The following RASAL2 variants were observed in gnomAD, a reference collection of about 807,000 sequenced individuals.
RASAL2 encodes ras GTPase-activating protein nGAP.
In RASAL2, 58 loss-of-function variants were observed where a neutral mutation model predicts 128.9. That is an observed-to-expected ratio of 0.45 (90% confidence interval 0.36 to 0.56). The LOEUF (loss-of-function observed/expected upper bound fraction) is 0.56, where lower values mean the gene tolerates loss of function less well. RASAL2 is among the 20% of genes least tolerant of loss of function. The pLI, the probability that RASAL2 is intolerant of heterozygous loss-of-function variation, is 0.00. For synonymous variants in RASAL2, 561 were observed against 580.8 expected, an observed-to-expected ratio of 0.97 and a Z score of 0.49; for missense variants, 1,360 against 1,601.6, an observed-to-expected ratio of 0.85 and a Z score of 2.57.
chr1:178,292,330 A>G (rs1263730499), intron 2 of RASAL2, among the ~76,000 whole-genome samples: 2 of 152,224 alleles, frequency 1.3e-5, no homozygotes, highest in Non-Finnish European at 2.9e-5. Flanking sequence ...AGTGTGTGGC[A>G]TCTTTTAATG....
chr1:178,123,108 A>T (rs1236863661), intron 1 of RASAL2: 1 of 152,088 alleles, frequency 6.6e-6, no homozygotes, highest in East Asian at 1.9e-4. Context: ...GGATCCTTGG[A>T]CCCTTCCTTC....
intron 1 of RASAL2, among the ~76,000 whole-genome samples, chr1:178,103,247 A>G (rs982263662): frequency 6.6e-6 from 1 of 151,922 alleles, no homozygotes; most frequent in African/African-American, 2.4e-5. Context: ...GTAAAGAGGT[A>G]CCTCATTCTT....
In RASAL2 at chr1:178,413,413, T is replaced by C. The variant is rs75319244; in HGVS notation, c.565-7098T>C. On this transcript the variant is annotated intron_variant, in intron 4 of 17. Coordinates refer to ENST00000367649, the MANE Select transcript of RASAL2 (RefSeq NM_170692.4). Reference sequence around the variant, plus strand: ...GGTGAGGGGCACTGAGCAGCACTTATGAAGTTCACAGTCCAGAAACACAGA... The same window carrying C: ...GGTGAGGGGCACTGAGCAGCACTTACGAAGTTCACAGTCCAGAAACACAGA... Among the ~76,000 whole-genome samples, 162 of 152,194 alleles carry C rather than the reference T, an allele frequency of 1.1e-3. 1 individual carries two copies. Among genetic ancestry groups the C allele is most frequent in the African/African-American group, 3.5e-3 (147 of 41,436 alleles).
At chr1:178,220,157 G>A (rs1397329605) in intron 1 of RASAL2, among the ~76,000 whole-genome samples, 1 of 152,156 alleles carries the variant, frequency 6.6e-6, no homozygotes, top group Admixed American at 6.5e-5. Context: ...TGCCATGCCT[G>A]TATAGGCTGC....
At chr1:178,219,228 C>G (rs1663533587) in intron 1 of RASAL2, among the ~76,000 whole-genome samples, 1 of 152,220 alleles carries the variant, frequency 6.6e-6, no homozygotes. Context: ...GGGCCTTGCT[C>G]TGGATTAGGC....
Position 178,346,536 on chromosome 1 carries a change from C to T in RASAL2, c.458-43564C>T, listed in dbSNP as rs569200218. On this transcript the variant is annotated intron_variant, in intron 3 of 17. Coordinates refer to ENST00000367649, the MANE Select transcript of RASAL2 (RefSeq NM_170692.4). ...GTAGTTTCCTGAAACAATAAATACG[C>T]TATTATATGAGTAGCATCATTTACT... Among the ~76,000 whole-genome samples, 49 of 152,226 alleles carry T rather than the reference C, an allele frequency of 3.2e-4. No homozygotes were observed. The South Asian group carries it at 1.0e-2, about 31-fold the overall frequency.
At chr1:178,290,739 G>T (rs980516601) in intron 2 of RASAL2, among the ~76,000 whole-genome samples, 6 of 151,916 alleles carry the variant, frequency 3.9e-5, no homozygotes, top group Non-Finnish European at 7.4e-5. Flanking sequence ...GCGGTGGTGC[G>T]ATCTCGGCTC....
chr1:178,110,316 TC>T (rs1659250534), intron 1 of RASAL2, among the ~76,000 whole-genome samples: 1 of 151,790 alleles, frequency 6.6e-6, no homozygotes, highest in African/African-American at 2.4e-5. Flanking sequence ...GGTTCCAGGG[TC>T]CCAACAGATA....
At chr1:178,271,870 C>T (rs1666275230) in intron 1 of RASAL2, among the ~76,000 whole-genome samples, 1 of 152,208 alleles carries the variant, frequency 6.6e-6, no homozygotes, top group Non-Finnish European at 1.5e-5. Flanking sequence ...CTTTCCAAAA[C>T]TGCTTCAGCC....
chr1:178,209,585 A>G (rs1663181902), intron 1 of RASAL2, among the ~76,000 whole-genome samples: 1 of 152,032 alleles, frequency 6.6e-6, no homozygotes, highest in Admixed American at 6.5e-5. Context: ...TAGCATGATG[A>G]TGTGCTCTGG....
At chr1:178,275,591 G>T (rs1666466993) in intron 1 of RASAL2, among the ~76,000 whole-genome samples, 1 of 152,174 alleles carries the variant, frequency 6.6e-6, no homozygotes, top group South Asian at 2.1e-4. Context: ...ATATCAAGTT[G>T]TCTGCCATAA....
At chr1:178,275,445 T>A (rs1666457369) in intron 1 of RASAL2, among the ~76,000 whole-genome samples, 1 of 152,260 alleles carries the variant, frequency 6.6e-6, no homozygotes, top group African/African-American at 2.4e-5. Context: ...CAGTGCAAAC[T>A]GTTGTAGTGA....
intron 1 of RASAL2, among the ~76,000 whole-genome samples, chr1:178,179,345 T>C (rs1662007940): frequency 6.6e-6 from 1 of 152,224 alleles, no homozygotes; most frequent in Non-Finnish European, 1.5e-5. Flanking sequence ...TAACTTTTCT[T>C]TGATAATGCC....
At chr1:178,253,061 T>C (rs1665128960) in intron 1 of RASAL2, among the ~76,000 whole-genome samples, 1 of 152,190 alleles carries the variant, frequency 6.6e-6, no homozygotes, top group East Asian at 1.9e-4. Flanking sequence ...GCTTAAAATC[T>C]AGGTGTCAGC....
At chr1:178,244,238 T>C (rs1664658043) in intron 1 of RASAL2, among the ~76,000 whole-genome samples, 1 of 152,126 alleles carries the variant, frequency 6.6e-6, no homozygotes, top group African/African-American at 2.4e-5. Flanking sequence ...GGTAAACTTT[T>C]ATTTCATTTT....
At chr1:178,410,280 G>A (rs370871792) in intron 4 of RASAL2, among the ~76,000 whole-genome samples, 1 of 152,124 alleles carries the variant, frequency 6.6e-6, no homozygotes, top group African/African-American at 2.4e-5. Context: ...TCTGAATGAT[G>A]ATAAGATCTA....
chr1:178,238,311 A>G (rs1465259389), intron 1 of RASAL2, among the ~76,000 whole-genome samples: 1 of 152,140 alleles, frequency 6.6e-6, no homozygotes, highest in African/African-American at 2.4e-5. Context: ...TTATACATTC[A>G]TCATTTGGTG....
chr1:178,289,930 AT>A (rs2102236143), intron 2 of RASAL2, among the ~76,000 whole-genome samples: 1 of 152,002 alleles, frequency 6.6e-6, no homozygotes, highest in Admixed American at 6.5e-5. Flanking sequence ...TACATGGCTC[AT>A]TTTCTTACCT....
chr1:178,151,580 G>A (rs909483029), intron 1 of RASAL2, among the ~76,000 whole-genome samples: 3 of 152,156 alleles, frequency 2.0e-5, no homozygotes, highest in Admixed American at 2.0e-4. Flanking sequence ...CAGTGACATG[G>A]TAGAACATAA....
Sources: allele counts gnomAD v4.1 joint callset (sites outside exome capture counted in the v4.1 genomes callset), GRCh38; gene constraint gnomAD v4.1.1; transcripts MANE v1.5; gene names NCBI Gene and HGNC (gene_info 2026-07-23, HGNC 2026-07-21).